The following RGS6 variants were observed in gnomAD, a reference collection of about 807,000 sequenced individuals.
The protein encoded by RGS6 is regulator of G-protein signaling 6.
RGS6 carries 30 observed loss-of-function variants against 78.5 expected under a neutral mutation model. The ratio of observed to expected loss-of-function variants is 0.38; its 90% CI spans 0.29 to 0.52. The LOEUF (loss-of-function observed/expected upper bound fraction) is 0.52. Ranked by LOEUF, RGS6 falls within the 20% of genes least tolerant of loss-of-function variation. The pLI is 0.85. For synonymous variants in RGS6, 206 were observed against 206.0 expected, an observed-to-expected ratio of 1.00 and a Z score of 0.00; for missense variants, 495 against 609.7, an observed-to-expected ratio of 0.81 and a Z score of 1.98.
intron 2 of RGS6, among the ~76,000 whole-genome samples, chr14:72,308,582 C>T (rs2067801592): frequency 6.6e-6 from 1 of 152,184 alleles, no homozygotes; most frequent in Non-Finnish European, 1.5e-5. Context: ...TCAACACAGT[C>T]CTGCTTAATT....
chr14:72,357,124 A>G (rs548193136), intron 3 of RGS6, among the ~76,000 whole-genome samples: 1 of 152,112 alleles, frequency 6.6e-6, no homozygotes, highest in South Asian at 2.1e-4. Flanking sequence ...TACAAAAATT[A>G]GCTCAGTGGT....
At chr14:72,545,470 G>C (rs941068383) in intron 17 of RGS6, among the ~76,000 whole-genome samples, 2 of 152,070 alleles carry the variant, frequency 1.3e-5, no homozygotes, top group African/African-American at 2.4e-5. Flanking sequence ...TCTGAGCCCT[G>C]GTTTTCTCCT....
chr14:72,581,447 A>G, the RGS6 span, among the ~76,000 whole-genome samples: 1 of 152,060 alleles, frequency 6.6e-6, no homozygotes, highest in African/African-American at 2.4e-5. Context: ...GGCCTTCTGC[A>G]TGCAATCCAG....
intron 2 of RGS6, among the ~76,000 whole-genome samples, chr14:72,004,249 T>C (rs918877534): frequency 1.3e-5 from 2 of 152,158 alleles, no homozygotes; most frequent in Admixed American, 1.3e-4. Flanking sequence ...AGTTCTTATT[T>C]ATGTTCTGTT....
At chr14:71,952,484 T>C (rs2092416464) in intron 1 of RGS6, among the ~76,000 whole-genome samples, 1 of 152,096 alleles carries the variant, frequency 6.6e-6, no homozygotes, top group African/African-American at 2.4e-5. Context: ...TTCTAGATTT[T>C]CTTGAGGGTT....
intron 2 of RGS6, among the ~76,000 whole-genome samples, chr14:72,161,136 C>T (rs951218918): frequency 3.9e-5 from 6 of 152,088 alleles, no homozygotes; most frequent in Admixed American, 6.5e-5. Flanking sequence ...CAAACTAACG[C>T]GAGAACAGAA....
chr14:71,888,809 C>G, the RGS6 span, among the ~76,000 whole-genome samples: 4 of 152,276 alleles, frequency 2.6e-5, no homozygotes, highest in South Asian at 4.1e-4. Flanking sequence ...TATATCTTCT[C>G]CATTTGGGTT....
At chr14:72,389,085 A>G (rs1005990213) in intron 3 of RGS6, among the ~76,000 whole-genome samples, 5 of 152,174 alleles carry the variant, frequency 3.3e-5, no homozygotes, top group African/African-American at 4.8e-5. Flanking sequence ...TCTCGGGTCC[A>G]TGTGCTGGAC....
chr14:72,276,513 T>C (rs1030643114), intron 2 of RGS6, among the ~76,000 whole-genome samples: 2 of 152,194 alleles, frequency 1.3e-5, no homozygotes, highest in Admixed American at 1.3e-4. Flanking sequence ...GATATGGTTT[T>C]GCTGTGTCCC....
At chr14:71,876,334 T>C in the RGS6 span, among the ~76,000 whole-genome samples, 2 of 152,192 alleles carry the variant, frequency 1.3e-5, no homozygotes, top group African/African-American at 4.8e-5. Flanking sequence ...TGCTCCTGTA[T>C]TGGGTGCATA....
intron 2 of RGS6, among the ~76,000 whole-genome samples, chr14:72,031,491 A>C (rs570855338): frequency 4.6e-5 from 7 of 152,278 alleles, no homozygotes; most frequent in East Asian, 1.9e-4. Context: ...TTGTGGTAAC[A>C]TAACTCCTCA....
At chr14:72,309,624 A>G (rs1171980453) in intron 2 of RGS6, among the ~76,000 whole-genome samples, 2 of 152,230 alleles carry the variant, frequency 1.3e-5, no homozygotes, top group Admixed American at 1.3e-4. Flanking sequence ...CTTGATAAAT[A>G]TAGTTTTATT....
At chr14:72,035,234 T>C (rs931323712) in intron 2 of RGS6, among the ~76,000 whole-genome samples, 5 of 152,184 alleles carry the variant, frequency 3.3e-5, no homozygotes, top group East Asian at 1.9e-4. Context: ...TGGTAGATGG[T>C]ATGTTTGTAG....
At chr14:71,905,231 C>T in the RGS6 span, among the ~76,000 whole-genome samples, 7 of 152,206 alleles carry the variant, frequency 4.6e-5, no homozygotes, top group Admixed American at 3.9e-4. Flanking sequence ...TCATTGGTCA[C>T]GTGACCCTTA....
At chr14:72,611,816 A>C in the RGS6 span, among the ~76,000 whole-genome samples, 1 of 152,116 alleles carries the variant, frequency 6.6e-6, no homozygotes, top group Non-Finnish European at 1.5e-5. Flanking sequence ...CACAGGGTAG[A>C]AATCACTGGA....
intron 14 of RGS6, among the ~76,000 whole-genome samples, chr14:72,512,854 G>A (rs889401878): frequency 6.6e-6 from 1 of 152,190 alleles, no homozygotes; most frequent in African/African-American, 2.4e-5. Context: ...AGCACCAACC[G>A]TGGCACAGGG....
At position 72,291,794 on chromosome 14, in the gene RGS6, G is replaced by A. The variant is rs778168111; in HGVS notation, c.85-60301G>A. Among the ~76,000 whole-genome samples the A allele has an allele frequency of 3.9e-5, 6 of 152,154 alleles. No individual in the cohort carries two copies. The East Asian group carries it at 1.2e-3, about 29-fold the overall frequency. ...TTTAAAAAAAGAAAGGGCCGAGCAC[G>A]TCAGTATAGTTACCGAGCGTACTTG... On this transcript the variant is annotated intron_variant, in intron 2 of 17. Transcript: ENST00000553525.
chr14:72,394,032 C>T (rs1032914744), intron 3 of RGS6, among the ~76,000 whole-genome samples: 1 of 152,108 alleles, frequency 6.6e-6, no homozygotes, highest in African/African-American at 2.4e-5. Flanking sequence ...GCTAAGAAAA[C>T]CTTTGTAAAT....
chr14:72,052,377 TC>T (rs1351447767), intron 2 of RGS6, among the ~76,000 whole-genome samples: 1 of 152,058 alleles, frequency 6.6e-6, no homozygotes, highest in Non-Finnish European at 1.5e-5. Flanking sequence ...CTTACTCTCA[TC>T]CCCCCTCCCA....
Sources: allele counts gnomAD v4.1 joint callset (sites outside exome capture counted in the v4.1 genomes callset), GRCh38; gene constraint gnomAD v4.1.1; transcripts MANE v1.5; gene names NCBI Gene and HGNC (gene_info 2026-07-23, HGNC 2026-07-21).